The following IMPG1 variants were observed in gnomAD, a reference collection of about 807,000 sequenced individuals.
IMPG1 encodes interphotoreceptor matrix proteoglycan 1.
A neutral mutation model predicts 92.0 loss-of-function variants in IMPG1; 85 were observed. That is an observed-to-expected ratio of 0.92 (90% CI 0.78 to 1.11). IMPG1 has a LOEUF of 1.11. IMPG1 is among the 50% of genes least tolerant of loss of function. The pLI, the probability that IMPG1 is intolerant of heterozygous loss-of-function variation, is 0.00. For synonymous variants in IMPG1, 367 were observed against 334.1 expected (o/e 1.10, Z -1.08); for missense variants, 1,022 against 956.0 (o/e 1.07, Z -0.91).
Position 76,008,835 on chromosome 6 carries a change from C to T in IMPG1, c.867-1335G>A, listed in dbSNP as rs879886154. The stretch of plus-strand genomic sequence containing the variant: ...CAAGATAGTGAGCATATTCATCAAT[C>T]GCAAAGCTTTACTCATCCTACTGTG... On this transcript the variant is annotated intron_variant, in intron 8 of 16. Transcript: ENST00000369950. Among the ~76,000 whole-genome samples, 21 of 152,180 alleles carry T rather than the reference C, an allele frequency of 1.4e-4. 1 individual carries two copies. Among genetic ancestry groups the T allele is most frequent in the South Asian group, 4.1e-4 (2 of 4,830 alleles).
intron 15 of IMPG1, among the ~76,000 whole-genome samples, chr6:75,930,491 T>A (rs1487733285): frequency 6.6e-6 from 1 of 152,236 alleles, no homozygotes; most frequent in Non-Finnish European, 1.5e-5. Flanking sequence ...ACAGGATTTT[T>A]ATCTTTTTTT....
At chr6:75,974,387 C>CTT (rs1406123313) in intron 12 of IMPG1, among the ~76,000 whole-genome samples, 7 of 60,910 alleles carry the variant, frequency 1.1e-4, no homozygotes, top group African/African-American at 2.3e-4. Flanking sequence ...TTCTTTCTTT[C>CTT]TTTCTTTTCT....
intron 7 of IMPG1, among the ~76,000 whole-genome samples, chr6:76,015,830 AAAAAGAC>A (rs1198916405): frequency 5.3e-5 from 8 of 150,402 alleles, no homozygotes; most frequent in Non-Finnish European, 8.9e-5. Context: ...AAAAAGAAAG[AAAAAGAC>A]AAAAGACATG....
chr6:75,978,055 G>T (rs191011678), intron 12 of IMPG1, among the ~76,000 whole-genome samples: 2 of 152,184 alleles, frequency 1.3e-5, no homozygotes, highest in Admixed American at 1.3e-4. Flanking sequence ...TTTCAGGGTA[G>T]CTGGGATTAT....
In IMPG1 at chr6:75,950,752, T is replaced by C. The variant is rs1264309809; in HGVS notation, c.1634A>G (p.His545Arg). The C allele has an allele frequency of 6.2e-7, 1 of 1,613,896 alleles. No homozygotes were observed. The highest frequency in any genetic ancestry group is 1.7e-5 in the Admixed American group (1 of 59,962). ...ELSEYVSVPD[H>R]FLEDTTPVSA... ...GACAGGAGTGGTATCCTCCAAGAAATGATCTGGGACAGAAACATATTCGCT... is the reference window on the plus strand; with the variant it reads ...GACAGGAGTGGTATCCTCCAAGAAACGATCTGGGACAGAAACATATTCGCT... The change falls in exon 13 of 17, where the codon CAT becomes CGT. Residue 545 changes from histidine to arginine, a missense_variant. Physicochemically the swap from His to Arg is conservative, Grantham distance 29 (BLOSUM62 0). This residue lies in a region of IMPG1 where 332 missense variants were observed against 346.2 expected (regional missense o/e 0.96). Coordinates refer to ENST00000369950, the MANE Select transcript of IMPG1 (RefSeq NM_001563.4).
At chr6:76,071,043 T>A (rs1784396006) in intron 1 of IMPG1, among the ~76,000 whole-genome samples, 1 of 151,442 alleles carries the variant, frequency 6.6e-6, no homozygotes, top group African/African-American at 2.4e-5. Flanking sequence ...AGTAAGCATA[T>A]AACAAATGGC....
intron 4 of IMPG1, among the ~76,000 whole-genome samples, chr6:76,030,292 A>G (rs1287877283): frequency 6.6e-6 from 1 of 152,060 alleles, no homozygotes; most frequent in East Asian, 1.9e-4. Flanking sequence ...CGGGGATGCA[A>G]GGATGGAGGA....
At chr6:75,929,145 G>T (rs1401393539) in intron 15 of IMPG1, among the ~76,000 whole-genome samples, 1 of 151,812 alleles carries the variant, frequency 6.6e-6, no homozygotes, top group East Asian at 1.9e-4. Flanking sequence ...GAGTACCTGA[G>T]TCAAATTTAA....
At chr6:75,963,552 G>C (rs1286049181) in intron 12 of IMPG1, among the ~76,000 whole-genome samples, 2 of 152,178 alleles carry the variant, frequency 1.3e-5, no homozygotes, top group East Asian at 1.9e-4. Flanking sequence ...CGCTCCAAAA[G>C]TCTGTCCTTT....
intron 7 of IMPG1, among the ~76,000 whole-genome samples, chr6:76,015,599 G>A (rs1359014945): frequency 2.0e-5 from 3 of 151,728 alleles, no homozygotes; most frequent in Non-Finnish European, 4.4e-5. Flanking sequence ...TCAGGAGTTC[G>A]AGACCAGCTT....
chr6:76,057,232 C>T (rs994290452), intron 1 of IMPG1, among the ~76,000 whole-genome samples: 1 of 152,086 alleles, frequency 6.6e-6, no homozygotes, highest in Non-Finnish European at 1.5e-5. Context: ...ATGCAGCAAA[C>T]CACCATGCCA....
Position 76,072,456 on chromosome 6 carries a change from A to G in IMPG1, c.33T>C (p.Val11=), listed in dbSNP as rs909130378. The stretch of plus-strand genomic sequence containing the variant: ...CTTGAACTTGGAGAAAAATCCAAAA[A>G]ACAAAAATAGCTCTTCTAGTTTCCA... MYLETRRAIF[V]FWIFLQVQGT... Residue 11 remains valine, a synonymous_variant, in exon 1 of 17, where the codon GTT becomes GTC. Transcript: ENST00000369950. 3.1e-6 allele frequency: 5 copies of G among 1,598,398 alleles called. No homozygotes were observed. The highest frequency in any genetic ancestry group is 4.3e-6 in the Non-Finnish European group (5 of 1,170,192).
intron 14 of IMPG1, among the ~76,000 whole-genome samples, chr6:75,937,577 G>T (rs909765456): frequency 6.6e-6 from 1 of 152,200 alleles, no homozygotes; most frequent in Non-Finnish European, 1.5e-5. Flanking sequence ...CAGCTGTACA[G>T]TGGGGGGAAA....
intron 4 of IMPG1, among the ~76,000 whole-genome samples, chr6:76,025,892 G>A (rs1365285930): frequency 6.6e-6 from 1 of 152,182 alleles, no homozygotes; most frequent in African/African-American, 2.4e-5. Flanking sequence ...AGCTATTTGT[G>A]TATAATATTG....
chr6:75,963,242 G>C (rs555704980), intron 12 of IMPG1, among the ~76,000 whole-genome samples: 1 of 152,128 alleles, frequency 6.6e-6, no homozygotes, highest in Non-Finnish European at 1.5e-5. Flanking sequence ...ATAATGGAAC[G>C]TCAATAAATG....
intron 1 of IMPG1, among the ~76,000 whole-genome samples, chr6:76,045,842 T>A (rs536914721): frequency 1.3e-5 from 2 of 152,250 alleles, no homozygotes; most frequent in East Asian, 3.9e-4. Flanking sequence ...CTTTTATGAG[T>A]TTGATATTTT....
At chr6:76,021,552 C>T (rs979060009) in intron 6 of IMPG1, among the ~76,000 whole-genome samples, 7 of 152,036 alleles carry the variant, frequency 4.6e-5, no homozygotes, top group African/African-American at 1.4e-4. Flanking sequence ...CATACCTTCA[C>T]ACTCAGAGTG....
chr6:75,951,468 G>A (rs1782030055), intron 12 of IMPG1, among the ~76,000 whole-genome samples: 1 of 152,100 alleles, frequency 6.6e-6, no homozygotes, highest in East Asian at 1.9e-4. Context: ...AACTGCAGCT[G>A]GCATTGGAAC....
At chr6:75,961,784 G>A (rs1782215597) in intron 12 of IMPG1, among the ~76,000 whole-genome samples, 2 of 152,206 alleles carry the variant, frequency 1.3e-5, no homozygotes, top group Admixed American at 1.3e-4. Flanking sequence ...TGGGAGAACA[G>A]CATGGCCACA....
Sources: gnomAD v4.1 joint callset for allele counts (sites outside exome capture counted in the v4.1 genomes callset) on GRCh38, gnomAD v4.1.1 for gene constraint, gnomAD v4.1.1 regional missense constraint, MANE v1.5 for transcripts, NCBI Gene and HGNC (gene_info 2026-07-23, HGNC 2026-07-21) for gene names.